The following TEX14 variants were observed in gnomAD, a reference collection of about 807,000 sequenced individuals.
TEX14 encodes the protein inactive serine/threonine-protein kinase TEX14.
In TEX14, 168 loss-of-function variants were observed where a neutral mutation model predicts 178.6. The ratio of observed to expected loss-of-function variants is 0.94; its 90% CI spans 0.83 to 1.07. The LOEUF is 1.07. Among genes scored for constraint, TEX14 ranks in the 50% least tolerant of loss-of-function variants. The pLI, the probability that TEX14 is intolerant of heterozygous loss-of-function variation, is 0.00. For missense variants in TEX14, 1,730 were observed against 1,753.6 expected (o/e 0.99, Z 0.24); for synonymous variants, 626 against 634.1 (o/e 0.99, Z 0.19).
chr17:58,631,738 AAC>A (rs2046310956), intron 2 of TEX14: 1 of 144,394 alleles, frequency 6.9e-6, no homozygotes, highest in Admixed American at 6.9e-5. Flanking sequence ...CTCGTGAGAG[AAC>A]ACAAATATCT....
At position 58,599,056 on chromosome 17, in the gene TEX14, CTTCT is replaced by C. The variant is rs997269678; in HGVS notation, c.2285_2288del (p.Gln762ArgfsTer31). On this transcript the variant is annotated frameshift_variant, in exon 14 of 32. Coordinates refer to ENST00000349033, the MANE Select transcript of TEX14 (RefSeq NM_031272.5). LOFTEE classifies it high-confidence loss of function. Reference sequence around the variant, plus strand: ...ATAAAGACATGCGCTCTTCCTGTTCCTTCTGTTTCATCTCGACTTCATCTAATAT... The same window carrying C: ...ATAAAGACATGCGCTCTTCCTGTTCCGTTTCATCTCGACTTCATCTAATAT... The C allele has an allele frequency of 3.1e-6, 5 of 1,614,040 alleles. No individual in the cohort carries two copies. Among genetic ancestry groups the C allele is most frequent in the Non-Finnish European group, 3.4e-6 (4 of 1,180,032 alleles).
chr17:58,670,800 A>G lies in TEX14; in HGVS notation c.-1-18798T>C, dbSNP rs111919263. ...AAAAAAAAAAAAAAAAAAAAAAAAA[A>G]GTGACTATACTTAATATATTCTTGA... is the stretch of plus-strand genomic sequence containing the variant. On this transcript the variant is annotated intron_variant, in intron 1 of 31. Coordinates refer to ENST00000349033, the MANE Select transcript of TEX14 (RefSeq NM_031272.5). 7.2e-3 allele frequency among the ~76,000 whole-genome samples: 1,014 copies of G among 140,272 alleles called. 18 individuals are homozygous for G. Among genetic ancestry groups the G allele is most frequent in the African/African-American group, 0.025 (930 of 37,540 alleles). 92.0% of individuals were successfully genotyped at this position (140,272 alleles called of 152,430 possible).
intron 3 of TEX14, among the ~76,000 whole-genome samples, chr17:58,625,108 A>G (rs576933149): frequency 6.7e-6 from 1 of 150,338 alleles, no homozygotes; most frequent in Non-Finnish European, 1.5e-5. Context: ...ATGTCTTACC[A>G]TCTTCTTTTT....
rs568778805 is a variant in TEX14, at chr17:58,646,069, T to C, written c.136+5797A>G. On this transcript the variant is annotated intron_variant, in intron 2 of 31. Transcript: ENST00000349033. Reference sequence around the variant, plus strand: ...AATTGTTTCCTTTTTCCTAATATTTTTGATACTTGGTTGGTTGAATCCACA... The same window carrying C: ...AATTGTTTCCTTTTTCCTAATATTTCTGATACTTGGTTGGTTGAATCCACA... 8.7e-4 allele frequency among the ~76,000 whole-genome samples: 132 copies of C among 152,322 alleles called. 1 individual carries two copies. Among genetic ancestry groups the C allele is most frequent in the African/African-American group, 3.2e-3 (131 of 41,568 alleles).
chr17:58,651,915 C>G lies in TEX14; in HGVS notation c.87G>C (p.Glu29Asp). The G allele has an allele frequency of 6.2e-7, 1 of 1,613,284 alleles. No homozygotes were observed. The highest frequency in any genetic ancestry group is 8.5e-7 in the Non-Finnish European group (1 of 1,179,862). Reference sequence around the variant, plus strand: ...TCACATAGTTCCCTTGTTTGACATACTCATGAAGCTGAGCTTCCAGGGAGT... The same window carrying G: ...TCACATAGTTCCCTTGTTTGACATAGTCATGAAGCTGAGCTTCCAGGGAGT... ...RNDSLEAQLH[E>D]YVKQGNYVKV... Residue 29 changes from glutamate (E) to aspartate (D), a missense_variant, in exon 2 of 32, where the codon GAG becomes GAC. Around this residue, in one of 2 missense-constraint regions of TEX14, gnomAD observed 789 missense variants for 681.2 expected, o/e 1.16. Coordinates refer to ENST00000349033, the MANE Select transcript of TEX14 (RefSeq NM_031272.5).
intron 5 of TEX14, among the ~76,000 whole-genome samples, chr17:58,620,499 AT>A (rs201218045): frequency 0.011 from 1,537 of 143,630 alleles, 22 homozygotes; most frequent in African/African-American, 0.034. Flanking sequence ...CTCGGCTAAT[AT>A]TTTTTTTTTT....
chr17:58,565,666 A>C (rs1195226832), intron 27 of TEX14, 81 bp downstream of exon 27: 2 of 998,818 alleles, frequency 2.0e-6, no homozygotes, highest in East Asian at 5.2e-5. Flanking sequence ...CCTCAAGGTC[A>C]CACTTCCCTA....
At chr17:58,586,561 A>T (rs965591720) in intron 17 of TEX14, among the ~76,000 whole-genome samples, 1 of 152,240 alleles carries the variant, frequency 6.6e-6, no homozygotes, top group Non-Finnish European at 1.5e-5. Flanking sequence ...TATTAAAAAT[A>T]GACATTATAT....
chr17:58,651,747 A>G, intron 2 of TEX14, 119 bp downstream of exon 2: 1 of 935,706 alleles, frequency 1.1e-6, no homozygotes, highest in Non-Finnish European at 1.6e-6. Context: ...TCTAATTTCT[A>G]CATTTAATTT....
intron 1 of TEX14, chr17:58,661,188 T>G: frequency 1.2e-6 from 1 of 801,934 alleles, no homozygotes; most frequent in Non-Finnish European, 2.3e-6. Flanking sequence ...GCACCGTGAT[T>G]TTCAGCTGAG....
intron 1 of TEX14, among the ~76,000 whole-genome samples, chr17:58,662,415 TCACACACACACACACA>T (rs200980242): frequency 8.7e-6 from 1 of 114,886 alleles, no homozygotes; most frequent in Non-Finnish European, 2.2e-5. Flanking sequence ...CACACATATC[TCACACACACACACACA>T]CACACACACA....
chr17:58,669,603 G>A (rs1030448377), intron 1 of TEX14, among the ~76,000 whole-genome samples: 3 of 147,592 alleles, frequency 2.0e-5, no homozygotes, highest in Non-Finnish European at 4.5e-5. Flanking sequence ...GTGTGGTGGC[G>A]CATGCCTGTA....
intron 1 of TEX14, among the ~76,000 whole-genome samples, chr17:58,683,374 C>T (rs560904811): frequency 6.7e-6 from 1 of 148,544 alleles, no homozygotes; most frequent in Non-Finnish European, 1.5e-5. Flanking sequence ...CTCCATCCCC[C>T]CCCCCAAAAA....
chr17:58,652,064 A>C, intron 1 of TEX14, 62 bp from the exon 2 acceptor site: 3 of 1,372,246 alleles, frequency 2.2e-6, no homozygotes, highest in East Asian at 5.1e-5. Context: ...GAAACAACTT[A>C]ATTCTTTTAC....
rs910229414 is a variant in TEX14, at chr17:58,569,350, G to A, written c.3818-90C>T. 1.3e-5 allele frequency: 12 copies of A among 950,694 alleles called. No homozygotes were observed. In the Admixed American group the frequency reaches 2.2e-4, roughly 18 times the overall value. The allele number at this position is 950,694 out of a possible 1,614,324, so 58.9% of individuals were successfully genotyped here. A position where few individuals can be genotyped will look rare whatever the true frequency, so the allele number is the denominator to read the frequency against. ...TCTCGGCTCTCACATAGACTTGACT[G>A]AGGATTTCTCTCAATGATGAAACAA... is the stretch of plus-strand genomic sequence containing the variant. On this transcript the variant is annotated intron_variant, in intron 25 of 31. Transcript: ENST00000349033. The surrounding 1 kb of genome is among the most constrained non-coding windows in gnomAD (Gnocchi z 4.1).
chr17:58,647,526 C>T (rs996683263), intron 2 of TEX14, among the ~76,000 whole-genome samples: 4 of 150,068 alleles, frequency 2.7e-5, no homozygotes, highest in Admixed American at 6.6e-5. Context: ...AGCGAGACTC[C>T]GTCTCAAAGA....
At position 58,557,856 on chromosome 17, in the gene TEX14, T is replaced by C. The variant is rs1162204900; in HGVS notation, c.4268-6A>G. On this transcript the variant is annotated splice_polypyrimidine_tract_variant and splice_region_variant and intron_variant, in intron 30 of 31. Transcript: ENST00000349033. ...AAAACAGGATTTTAGTTCATCTTGA[T>C]GAAATATAAGAGGAAGGAAAAAACA... is the stretch of plus-strand genomic sequence containing the variant. 1 of 1,610,588 alleles carries C rather than the reference T, an allele frequency of 6.2e-7. No individual in the cohort carries two copies. Among genetic ancestry groups the C allele is most frequent in the East Asian group, 2.2e-5 (1 of 44,836 alleles).
chr17:58,662,413 T>TCACA (rs555187857), intron 1 of TEX14, among the ~76,000 whole-genome samples: 125 of 127,738 alleles, frequency 9.8e-4, no homozygotes, highest in Non-Finnish European at 1.5e-3. Context: ...AGCACACATA[T>TCACA]CTCACACACA....
intron 1 of TEX14, among the ~76,000 whole-genome samples, chr17:58,689,206 C>G (rs565636647): frequency 6.7e-6 from 1 of 150,268 alleles, no homozygotes; most frequent in Non-Finnish European, 1.5e-5. Context: ...GTGAAACAGG[C>G]GTGAGACATC....
Sources: allele counts gnomAD v4.1 joint callset (sites outside exome capture counted in the v4.1 genomes callset), GRCh38; gene constraint gnomAD v4.1.1; regional missense constraint gnomAD v4.1.1; non-coding constraint Gnocchi (gnomAD v3.1); transcripts MANE v1.5; gene names NCBI Gene and HGNC (gene_info 2026-07-23, HGNC 2026-07-21).